The following EFHC1 variants were observed in gnomAD, a reference collection of about 807,000 sequenced individuals.
EFHC1 encodes EF-hand domain-containing protein 1.
A neutral mutation model predicts 69.9 loss-of-function variants in EFHC1; 53 were observed. The observed-to-expected ratio is 0.76, with a 90% CI of 0.61 to 0.95. EFHC1 has a LOEUF of 0.95. Ranked by LOEUF, EFHC1 falls within the 40% of genes least tolerant of loss-of-function variation. EFHC1 has a pLI of 0.00. For missense variants in EFHC1, 739 were observed against 798.7 expected, an observed-to-expected ratio of 0.93 and a Z score of 0.90; for synonymous variants, 256 against 278.4, an observed-to-expected ratio of 0.92 and a Z score of 0.80.
At chr6:52,451,341 T>C (rs1329842715) in intron 3 of EFHC1, among the ~76,000 whole-genome samples, 4 of 152,234 alleles carry the variant, frequency 2.6e-5, no homozygotes, top group Admixed American at 1.3e-4. Flanking sequence ...GGTAATGAAC[T>C]CTGTCAGCAT....
intron 1 of EFHC1, among the ~76,000 whole-genome samples, chr6:52,422,135 C>T (rs77394442): frequency 0.011 from 1,694 of 151,968 alleles, 30 homozygotes; most frequent in African/African-American, 0.038. Flanking sequence ...AGTGGGAAAA[C>T]GATTTTAAAA....
At chr6:52,478,308 G>A (rs1765589261) in intron 7 of EFHC1, among the ~76,000 whole-genome samples, 1 of 152,080 alleles carries the variant, frequency 6.6e-6, no homozygotes, top group South Asian at 2.1e-4. Context: ...ATAGCATTGG[G>A]AGATATACCT....
Position 52,493,365 on chromosome 6 carries a change from CATATATATAT to C in EFHC1, c.*1035_*1044del, listed in dbSNP as rs59794069. ...ATAACTCTCTCTTTCTCTCTCTCTA[CATATATATAT>C]ATATATATATTTTATATGTACACAT... On this transcript the variant is annotated 3_prime_UTR_variant, in exon 11 of 11. Transcript: ENST00000371068. 1.2e-5 allele frequency: 2 copies of C among 168,616 alleles called. No homozygotes were observed. The highest frequency in any genetic ancestry group is 2.3e-5 in the Non-Finnish European group (2 of 88,194). The allele number at this position is 168,616 out of a possible 1,614,324, so 10.4% of individuals were successfully genotyped here. A position where few individuals can be genotyped will look rare whatever the true frequency, so the allele number is the denominator to read the frequency against.
rs544379173 is a variant in EFHC1 at position 52,461,209 on chromosome 6, T to A, written c.917-3686T>A. Among the ~76,000 whole-genome samples, 24 of 152,276 alleles carry A rather than the reference T, an allele frequency of 1.6e-4. 1 individual carries two copies. In the South Asian group the frequency reaches 5.0e-3, roughly 32 times the overall value. Reference sequence around the variant, plus strand: ...ACCCATCAGTTATTTTTCCTGATCTTCTCCCTCCTCCCACCCTTCACCCTC... The same window carrying A: ...ACCCATCAGTTATTTTTCCTGATCTACTCCCTCCTCCCACCCTTCACCCTC... On this transcript the variant is annotated intron_variant, in intron 5 of 10. Coordinates refer to ENST00000371068, the MANE Select transcript of EFHC1 (RefSeq NM_018100.4).
intron 3 of EFHC1, among the ~76,000 whole-genome samples, chr6:52,446,374 G>T (rs1465197152): frequency 6.6e-6 from 1 of 152,114 alleles, no homozygotes; most frequent in Non-Finnish European, 1.5e-5. Context: ...CAGAGACTAG[G>T]ATTGCAACCC....
In EFHC1 at chr6:52,420,448, C is replaced by T. The variant is rs762109976; in HGVS notation, c.38C>T (p.Pro13Leu). The T allele has an allele frequency of 6.2e-7, 1 of 1,614,218 alleles. No homozygotes were observed. Among genetic ancestry groups the T allele is most frequent in the Non-Finnish European group, 8.5e-7 (1 of 1,180,038 alleles). ...SNPVHGLPFL[P>L]GTSFKDSTKT... ...CCCGTGCATGGCTTGCCCTTTCTTC[C>T]GGGCACGTCCTTTAAGGACTCTACG... The change falls in exon 1 of 11, where the codon CCG (proline) becomes CTG (leucine). Residue 13 changes from proline to leucine, a missense_variant. Pro to Leu is a moderately conservative substitution (Grantham distance 98, BLOSUM62 -3). Transcript: ENST00000371068.
At chr6:52,432,779 G>A (rs961493639) in intron 2 of EFHC1, among the ~76,000 whole-genome samples, 1 of 151,942 alleles carries the variant, frequency 6.6e-6, no homozygotes, top group Non-Finnish European at 1.5e-5. Flanking sequence ...CCCCAAATAT[G>A]TTTTCCAGAC....
At chr6:52,432,069 C>A (rs1004254665) in intron 2 of EFHC1, among the ~76,000 whole-genome samples, 2 of 152,078 alleles carry the variant, frequency 1.3e-5, no homozygotes, top group South Asian at 4.2e-4. Context: ...CACCCCTTTA[C>A]CTTAAATTTA....
intron 3 of EFHC1, among the ~76,000 whole-genome samples, chr6:52,445,366 G>A (rs569513729): frequency 2.0e-5 from 3 of 151,268 alleles, no homozygotes; most frequent in South Asian, 2.1e-4. Context: ...AGTTACATAC[G>A]TATACATGTG....
chr6:52,423,657 ATTTTTTTTTT>A (rs59383268), intron 1 of EFHC1: 6 of 263,442 alleles, frequency 2.3e-5, no homozygotes, highest in Admixed American at 7.7e-5. Context: ...CACCCAGCTA[ATTTTTTTTTT>A]TTTTTTTTTT....
At chr6:52,470,288 A>G (rs75896412) in intron 7 of EFHC1, among the ~76,000 whole-genome samples, 15,123 of 152,228 alleles carry the variant, frequency 0.099, 1,293 homozygotes, top group East Asian at 0.45. Flanking sequence ...ATTTTTTAAG[A>G]AAACAACAAA....
intron 3 of EFHC1, among the ~76,000 whole-genome samples, chr6:52,446,700 G>A (rs1047763544): frequency 2.4e-4 from 36 of 152,204 alleles, no homozygotes; most frequent in African/African-American, 4.8e-4. Flanking sequence ...GGCTGGTACC[G>A]GTTGTTCCTT....
At chr6:52,485,925 C>T (rs1400809460) in intron 9 of EFHC1, 1 of 152,128 alleles carries the variant, frequency 6.6e-6, no homozygotes, top group Non-Finnish European at 1.5e-5. Flanking sequence ...CATTGCCATC[C>T]TCATTTTGAT....
chr6:52,436,151 C>G (rs1206998229), intron 2 of EFHC1, among the ~76,000 whole-genome samples: 2 of 152,130 alleles, frequency 1.3e-5, no homozygotes, highest in Non-Finnish European at 2.9e-5. Context: ...ATCATGTCCC[C>G]CCTTTCAGTT....
rs1244000379 is a variant in EFHC1, at chr6:52,494,753, G to C, written c.*2412G>C. On this transcript the variant is annotated 3_prime_UTR_variant, in exon 11 of 11. Coordinates refer to ENST00000371068, the MANE Select transcript of EFHC1 (RefSeq NM_018100.4). ...ATTGTTCCCATCATTATGTCTATGTGTATTCAATGTTTAGCTCCCACTTAG... is the reference window on the plus strand; with the variant it reads ...ATTGTTCCCATCATTATGTCTATGTCTATTCAATGTTTAGCTCCCACTTAG... 1 of 453,302 alleles carries C rather than the reference G, an allele frequency of 2.2e-6. No homozygotes were observed. Among genetic ancestry groups the C allele is most frequent in the South Asian group, 1.6e-5 (1 of 64,406 alleles). The allele number at this position is 453,302 out of a possible 1,614,324, so 28.1% of individuals were successfully genotyped here.
At chr6:52,450,346 C>A (rs1307194537) in intron 3 of EFHC1, among the ~76,000 whole-genome samples, 3 of 152,092 alleles carry the variant, frequency 2.0e-5, no homozygotes, top group Admixed American at 1.3e-4. Flanking sequence ...TGAGTTAGGT[C>A]CTGAATATCT....
chr6:52,494,301 G>C lies in EFHC1; in HGVS notation c.*1960G>C. On this transcript the variant is annotated 3_prime_UTR_variant, in exon 11 of 11. Transcript: ENST00000371068. ...ACCAAGCTCTATCCTACTTGGCCCA[G>C]CTCAGTCCTTCCCCCAGGCTTAGAA... 1 of 454,122 alleles carries C rather than the reference G, an allele frequency of 2.2e-6. No individual in the cohort carries two copies. The highest frequency in any genetic ancestry group is 4.4e-6 in the Non-Finnish European group (1 of 226,786). The allele number at this position is 454,122 out of a possible 1,614,324, so 28.1% of individuals were successfully genotyped here. A position where few individuals can be genotyped will look rare whatever the true frequency, so the allele number is the denominator to read the frequency against.
At position 52,479,695 on chromosome 6, in the gene EFHC1, G is replaced by A. The variant is rs973650043; in HGVS notation, c.1548G>A (p.Met516Ile). Reference sequence around the variant, plus strand: ...CAGACGAGTATGTTTTGAAATACATGGAGAGCAACGCTGCCCAGTATTCAC... The same window carrying A: ...CAGACGAGTATGTTTTGAAATACATAGAGAGCAACGCTGCCCAGTATTCAC... Reference protein sequence around the residue: ...LDTDEYVLKYMESNAAQYSPE... With the variant: ...LDTDEYVLKYIESNAAQYSPE... The change falls in exon 9 of 11, where the codon ATG becomes ATA. Residue 516 changes from methionine (M) to isoleucine (I), a missense_variant. Transcript: ENST00000371068. The A allele has an allele frequency of 1.2e-6, 2 of 1,614,072 alleles. No homozygotes were observed. Among genetic ancestry groups the A allele is most frequent in the Admixed American group, 1.7e-5 (1 of 60,000 alleles).
At chr6:52,423,758 A>C (rs1764240764) in intron 1 of EFHC1, 188 bp from the exon 2 acceptor site, 2 of 1,420,908 alleles carry the variant, frequency 1.4e-6, no homozygotes, top group East Asian at 5.0e-5. Context: ...CTCCCTCTTC[A>C]GCCTCCCAGA....
Sources: allele counts gnomAD v4.1 joint callset (sites outside exome capture counted in the v4.1 genomes callset), GRCh38; gene constraint gnomAD v4.1.1; transcripts MANE v1.5; gene names NCBI Gene and HGNC (gene_info 2026-07-23, HGNC 2026-07-21).